ACYP2: variants seen among roughly 807,000 people sequenced by gnomAD.
ACYP2 encodes acylphosphatase 2, also known as acylphosphatase-2.
Under a neutral mutation model 11.2 loss-of-function variants are expected in ACYP2, and 12 were observed. The ratio of observed to expected loss-of-function variants is 1.08; its 90% CI spans 0.69 to 1.74. The LOEUF is 1.74. ACYP2 is among the 40% of genes most tolerant of loss of function. ACYP2 has a pLI of 0.00. For missense variants in ACYP2, 134 were observed against 101.9 expected, an observed-to-expected ratio of 1.31 and a Z score of -1.35; for synonymous variants, 43 against 32.2, an observed-to-expected ratio of 1.33 and a Z score of -1.13.
chr2:54,192,249 CCTT>C (rs1684270283), intron 6 of ACYP2, among the ~76,000 whole-genome samples: 1 of 151,966 alleles, frequency 6.6e-6, no homozygotes, highest in African/African-American at 2.4e-5. Flanking sequence ...GAAAGTATGT[CCTT>C]CTTTTTATAG....
chr2:54,128,528 G>A (rs914851170), intron 4 of ACYP2, among the ~76,000 whole-genome samples: 6 of 152,062 alleles, frequency 3.9e-5, no homozygotes, highest in African/African-American at 1.2e-4. Context: ...CTATCCAGAC[G>A]TGGTGGTGTG....
intron 6 of ACYP2, among the ~76,000 whole-genome samples, chr2:54,189,867 CTTG>C (rs1158107751): frequency 6.6e-6 from 1 of 152,164 alleles, no homozygotes; most frequent in African/African-American, 2.4e-5. Context: ...CTTGCCAATA[CTTG>C]TTATCTCTTT....
intron 2 of ACYP2, among the ~76,000 whole-genome samples, chr2:53,996,543 A>G (rs1010773964): frequency 2.0e-4 from 31 of 152,262 alleles, no homozygotes; most frequent in Non-Finnish European, 3.5e-4. Context: ...AAGTTTTGCA[A>G]TGGGTAGAAC....
chr2:54,248,629 C>T (rs1687069969), intron 6 of ACYP2, among the ~76,000 whole-genome samples: 1 of 152,054 alleles, frequency 6.6e-6, no homozygotes, highest in Non-Finnish European at 1.5e-5. Flanking sequence ...TGGCATTTGT[C>T]ACACTGTAGA....
At chr2:54,008,237 A>T (rs1199151087) in intron 2 of ACYP2, among the ~76,000 whole-genome samples, 1 of 152,154 alleles carries the variant, frequency 6.6e-6, no homozygotes, top group Non-Finnish European at 1.5e-5. Flanking sequence ...CTGCCTACAC[A>T]CTAAAGTCCA....
chr2:54,255,857 C>A (rs748912248), intron 6 of ACYP2: 2 of 1,614,048 alleles, frequency 1.2e-6, no homozygotes, highest in Admixed American at 3.3e-5. Flanking sequence ...GAGGCCGCTT[C>A]TAGGCCCTCC....
chr2:54,182,178 G>A (rs1682094), intron 6 of ACYP2, among the ~76,000 whole-genome samples: 1 of 148,090 alleles, frequency 6.8e-6, no homozygotes, highest in Non-Finnish European at 1.5e-5. Context: ...TCCTGCCTCA[G>A]CCTCCCGAGT....
chr2:54,250,135 T>C (rs771447247), intron 6 of ACYP2, among the ~76,000 whole-genome samples: 1 of 152,142 alleles, frequency 6.6e-6, no homozygotes, highest in Non-Finnish European at 1.5e-5. Context: ...CATCCTCATC[T>C]ATCTTAGTAA....
chr2:54,174,349 G>C (rs2103855587), intron 6 of ACYP2, among the ~76,000 whole-genome samples: 1 of 152,330 alleles, frequency 6.6e-6, no homozygotes, highest in Non-Finnish European at 1.5e-5. Flanking sequence ...GTAGAGGAAT[G>C]CTTGTGATTT....
At chr2:54,152,723 C>G (rs956085320) in intron 6 of ACYP2, among the ~76,000 whole-genome samples, 1 of 152,144 alleles carries the variant, frequency 6.6e-6, no homozygotes, top group Non-Finnish European at 1.5e-5. Context: ...TATGGCTTGA[C>G]ATTTCATTTC....
chr2:54,125,327 C>T (rs1680423638), intron 4 of ACYP2, among the ~76,000 whole-genome samples: 1 of 152,056 alleles, frequency 6.6e-6, no homozygotes, highest in Non-Finnish European at 1.5e-5. Flanking sequence ...TTCCAAACGC[C>T]ATAATCTTGC....
chr2:54,301,030 AT>A (rs1477261215), intron 6 of ACYP2, among the ~76,000 whole-genome samples: 1 of 151,926 alleles, frequency 6.6e-6, no homozygotes, highest in African/African-American at 2.4e-5. Context: ...TTATTTGCCC[AT>A]TTTTCTATTG....
intron 6 of ACYP2, among the ~76,000 whole-genome samples, chr2:54,200,384 G>T (rs138172734): frequency 4.6e-5 from 7 of 152,156 alleles, no homozygotes; most frequent in Middle Eastern, 3.4e-3. Context: ...ACTCAACAAG[G>T]CTTGAGTTGG....
At chr2:54,065,684 A>G (rs1350760401) in intron 4 of ACYP2, 3 of 394,288 alleles carry the variant, frequency 7.6e-6, no homozygotes, top group Non-Finnish European at 8.9e-6. Context: ...CTCCTTACAC[A>G]TATTGGTGAA....
At chr2:54,038,600 G>C (rs1675035989) in intron 2 of ACYP2, among the ~76,000 whole-genome samples, 1 of 137,988 alleles carries the variant, frequency 7.2e-6, no homozygotes, top group African/African-American at 2.7e-5. Context: ...ATTCCTCTCT[G>C]TTTCACCAGA....
intron 2 of ACYP2, among the ~76,000 whole-genome samples, chr2:53,974,000 G>A (rs1320054144): frequency 2.7e-5 from 4 of 150,708 alleles, no homozygotes; most frequent in Admixed American, 6.7e-5. Context: ...TCCGCCTCCG[G>A]GGTTCAAGTG....
intron 6 of ACYP2, among the ~76,000 whole-genome samples, chr2:54,172,520 A>T (rs1378357639): frequency 6.6e-6 from 1 of 152,210 alleles, no homozygotes. Flanking sequence ...AAGGGTGTGA[A>T]GACAAATTTA....
intron 6 of ACYP2, chr2:54,141,863 G>T: frequency 3.2e-6 from 2 of 616,720 alleles, no homozygotes; most frequent in Non-Finnish European, 3.0e-6. Context: ...TTGAGACAAG[G>T]GTCTTGCTCT....
chr2:54,065,734 G>A (rs779429526), intron 4 of ACYP2: 2 of 381,708 alleles, frequency 5.2e-6, no homozygotes, highest in Non-Finnish European at 9.3e-6. Context: ...GTGATATGAA[G>A]CATCTCATTC....
Sources: gnomAD v4.1 joint callset for allele counts (sites outside exome capture counted in the v4.1 genomes callset) on GRCh38, gnomAD v4.1.1 for gene constraint, MANE v1.5 for transcripts, NCBI Gene and HGNC (gene_info 2026-07-23, HGNC 2026-07-21) for gene names.